The following PTER variants were observed in gnomAD, a reference collection of about 807,000 sequenced individuals.
PTER encodes the protein N-acetyltaurine hydrolase.
A neutral mutation model predicts 29.6 loss-of-function variants in PTER; 38 were observed. The observed-to-expected ratio is 1.28, with a 90% CI of 0.99 to 1.68. The LOEUF (loss-of-function observed/expected upper bound fraction) is 1.68, where lower values mean the gene tolerates loss of function less well. PTER is among the 40% of genes most tolerant of loss of function. PTER has a pLI of 0.00. For missense variants in PTER, 482 were observed against 427.8 expected (o/e 1.13, Z -1.12); for synonymous variants, 172 against 154.5 (o/e 1.11, Z -0.84).
chr10:16,502,545 G>T (rs1456257172), intron 3 of PTER, among the ~76,000 whole-genome samples: 1 of 152,054 alleles, frequency 6.6e-6, no homozygotes, highest in Non-Finnish European at 1.5e-5. Context: ...TCTAAGTTAT[G>T]CTAATTTGGT....
rs1834524730 is a variant in PTER, at chr10:16,459,385, A to G, written c.-49+22338A>G. Reference sequence around the variant, plus strand: ...GTCTATAGTAAATTCTTCAGATTCTACCAGCAGTGCTGTAGCTACTCCACA... The same window carrying G: ...GTCTATAGTAAATTCTTCAGATTCTGCCAGCAGTGCTGTAGCTACTCCACA... On this transcript the variant is annotated intron_variant, in intron 1 of 4. Transcript: ENST00000535784. Among the ~76,000 whole-genome samples the G allele has an allele frequency of 1.3e-5, 2 of 152,258 alleles. 1 individual carries two copies. The highest frequency in any genetic ancestry group is 4.1e-4 in the South Asian group (2 of 4,832).
downstream of PTER, chr10:16,514,502 GAAT>G: frequency 1.2e-6 from 2 of 1,600,156 alleles, no homozygotes; most frequent in South Asian, 1.1e-5. Flanking sequence ...TTCAAACTCA[GAAT>G]AATAAGCTTA....
intron 1 of PTER, among the ~76,000 whole-genome samples, chr10:16,483,376 CTTG>C (rs766303571): frequency 2.0e-5 from 3 of 152,126 alleles, no homozygotes; most frequent in Non-Finnish European, 4.4e-5. Flanking sequence ...AGGTTCGTTT[CTTG>C]TTGTTATTTC....
intron 1 of PTER, among the ~76,000 whole-genome samples, chr10:16,449,522 G>A (rs772121063): frequency 4.5e-5 from 6 of 132,358 alleles, no homozygotes; most frequent in Admixed American, 1.8e-4. Context: ...TGCAACCTCC[G>A]CCTCTTTGCT....
At chr10:16,480,180 A>G (rs1289718485) in intron 1 of PTER, among the ~76,000 whole-genome samples, 1 of 139,558 alleles carries the variant, frequency 7.2e-6, no homozygotes, top group Non-Finnish European at 1.5e-5. Flanking sequence ...CAGTTTTGTA[A>G]TTTGACTATA....
intron 1 of PTER, among the ~76,000 whole-genome samples, chr10:16,440,090 G>A (rs1833793565): frequency 6.9e-6 from 1 of 144,364 alleles, no homozygotes; most frequent in Admixed American, 6.9e-5. Flanking sequence ...TTTTGTGGCA[G>A]GGTCTCACTC....
chr10:16,446,934 G>A (rs1427170725), intron 1 of PTER, among the ~76,000 whole-genome samples: 1 of 151,966 alleles, frequency 6.6e-6, no homozygotes. Flanking sequence ...GATTACAGGC[G>A]TGCGCTACCA....
chr10:16,459,418 CTG>C (rs1834525615), intron 1 of PTER, among the ~76,000 whole-genome samples: 1 of 152,206 alleles, frequency 6.6e-6, no homozygotes, highest in South Asian at 2.1e-4. Flanking sequence ...ACATTTGTCT[CTG>C]TTTAAGGAAT....
chr10:16,486,552 G>C lies in PTER; in HGVS notation c.633G>C (p.Gln211His). The C allele has an allele frequency of 1.2e-6, 2 of 1,613,940 alleles. No homozygotes were observed. The highest frequency in any genetic ancestry group is 2.2e-5 in the South Asian group (2 of 91,054). ...HPGRSSRAPF[Q>H]IIRILQEAGA... ...GACGGAGCTCCAGGGCACCATTTCA[G>C]ATTATCCGAATATTGCAAGAAGCAG... Residue 211 changes from glutamine to histidine, a missense_variant, in exon 3 of 5, where the codon CAG (glutamine) becomes CAC (histidine). Transcript: ENST00000535784.
chr10:16,473,519 G>GAAAAAAAAAAA lies in PTER; in HGVS notation c.-48-10800_-48-10790dup, dbSNP rs72001271. On this transcript the variant is annotated intron_variant, in intron 1 of 4. Transcript: ENST00000535784. Reference sequence around the variant, plus strand: ...TGGGTGATAGAGTGAGACTCCATCCGAAAAAAAAAAAAAAAAAAAAAAAAA... The same window carrying GAAAAAAAAAAA: ...TGGGTGATAGAGTGAGACTCCATCCGAAAAAAAAAAAAAAAAAAAAAAAAAAAAAAAAAAAA... Among the ~76,000 whole-genome samples the GAAAAAAAAAAA allele has an allele frequency of 3.9e-4, 11 of 28,168 alleles. 3 individuals are homozygous for GAAAAAAAAAAA. Among genetic ancestry groups the GAAAAAAAAAAA allele is most frequent in the Non-Finnish European group, 6.0e-4 (10 of 16,534 alleles). The allele number at this position is 28,168 out of a possible 152,430, so 18.5% of individuals were successfully genotyped here. A position where few individuals can be genotyped will look rare whatever the true frequency, so the allele number is the denominator to read the frequency against.
At chr10:16,480,878 GT>G (rs1835456926) in intron 1 of PTER, among the ~76,000 whole-genome samples, 1 of 152,174 alleles carries the variant, frequency 6.6e-6, no homozygotes, top group African/African-American at 2.4e-5. Context: ...TATGCATATG[GT>G]TTTAGAATAC....
intron 1 of PTER, among the ~76,000 whole-genome samples, chr10:16,455,704 C>G (rs950860086): frequency 6.6e-6 from 1 of 151,928 alleles, no homozygotes; most frequent in African/African-American, 2.4e-5. Flanking sequence ...ATAAAAAGAG[C>G]AAGCCAAGAG....
At chr10:16,496,788 A>G (rs1353927192) in intron 3 of PTER, among the ~76,000 whole-genome samples, 1 of 152,124 alleles carries the variant, frequency 6.6e-6, no homozygotes, top group Non-Finnish European at 1.5e-5. Context: ...GTGATCAACA[A>G]TTTCTTGTTA....
chr10:16,466,529 T>C (rs186852102), intron 1 of PTER, among the ~76,000 whole-genome samples: 261 of 152,288 alleles, frequency 1.7e-3, no homozygotes, highest in African/African-American at 5.9e-3. Flanking sequence ...CTAATTTTTG[T>C]ATTATTAGTA....
At chr10:16,439,176 G>A (rs1833762471) in intron 1 of PTER, among the ~76,000 whole-genome samples, 1 of 152,094 alleles carries the variant, frequency 6.6e-6, no homozygotes, top group South Asian at 2.1e-4. Flanking sequence ...TGTGTATTTT[G>A]GAGGTCAGTA....
chr10:16,453,997 A>G (rs1048368500), intron 1 of PTER, among the ~76,000 whole-genome samples: 6 of 152,226 alleles, frequency 3.9e-5, no homozygotes, highest in African/African-American at 1.4e-4. Context: ...CTTCTGGCAT[A>G]TCAGCTGTGT....
At position 16,508,566 on chromosome 10, in the gene PTER, C is replaced by T. The variant is rs191618101; in HGVS notation, c.840-2480C>T. ...GAAGGAGATAGAAGGGTCAGATGAC[C>T]GATGGCTCCCCCAGCATTCCTTCTT... On this transcript the variant is annotated intron_variant, in intron 4 of 4. Coordinates refer to ENST00000535784, the MANE Select transcript of PTER (RefSeq NM_001261836.2). Among the ~76,000 whole-genome samples the T allele has an allele frequency of 4.6e-5, 7 of 152,202 alleles. No individual in the cohort carries two copies. In the East Asian group the frequency reaches 1.2e-3, roughly 25 times the overall value.
intron 1 of PTER, among the ~76,000 whole-genome samples, chr10:16,472,096 A>G (rs912193883): frequency 2.6e-5 from 4 of 152,218 alleles, no homozygotes; most frequent in African/African-American, 7.2e-5. Context: ...GATTCCCACA[A>G]TATGACTACT....
chr10:16,463,198 TAAAAA>T (rs535136619), intron 1 of PTER, among the ~76,000 whole-genome samples: 4 of 79,360 alleles, frequency 5.0e-5, no homozygotes, highest in African/African-American at 4.9e-5. Context: ...AGACTCTGTC[TAAAAA>T]AAAAAAAAAA....
Sources: gnomAD v4.1 joint callset for allele counts (sites outside exome capture counted in the v4.1 genomes callset) on GRCh38, gnomAD v4.1.1 for gene constraint, MANE v1.5 for transcripts, NCBI Gene and HGNC (gene_info 2026-07-23, HGNC 2026-07-21) for gene names.